KCNIP4: variants seen among roughly 807,000 people sequenced by gnomAD.
KCNIP4 encodes potassium voltage-gated channel interacting protein 4.
KCNIP4 carries 12 observed loss-of-function variants against 34.0 expected under a neutral mutation model. The ratio of observed to expected loss-of-function variants is 0.35; its 90% CI spans 0.23 to 0.57. The LOEUF (loss-of-function observed/expected upper bound fraction) is 0.57, where lower values mean the gene tolerates loss of function less well. Among genes scored for constraint, KCNIP4 ranks in the 20% least tolerant of loss-of-function variants. KCNIP4 has a pLI of 0.83. For synonymous variants in KCNIP4, 124 were observed against 102.2 expected (o/e 1.21, Z -1.29); for missense variants, 238 against 311.7 (o/e 0.76, Z 1.78).
intron 1 of KCNIP4, among the ~76,000 whole-genome samples, chr4:21,241,325 A>G (rs190261793): frequency 6.6e-6 from 1 of 152,130 alleles, no homozygotes; most frequent in African/African-American, 2.4e-5. Context: ...TTTTTTTTCT[A>G]AAGTTTATAT....
At chr4:21,314,037 TCA>T (rs1373697170) in intron 1 of KCNIP4, among the ~76,000 whole-genome samples, 1 of 152,180 alleles carries the variant, frequency 6.6e-6, no homozygotes, top group Admixed American at 6.5e-5. Flanking sequence ...TGTCCTAAGA[TCA>T]CAGTTTGTTG....
At chr4:21,106,666 T>C (rs1455765017) in intron 1 of KCNIP4, among the ~76,000 whole-genome samples, 1 of 151,630 alleles carries the variant, frequency 6.6e-6, no homozygotes, top group Non-Finnish European at 1.5e-5. Context: ...CTCTTGCTTT[T>C]CTAGTTCTTT....
intron 3 of KCNIP4, among the ~76,000 whole-genome samples, chr4:20,837,686 A>ATTT (rs1318687393): frequency 1.3e-3 from 151 of 117,380 alleles, no homozygotes; most frequent in East Asian, 5.1e-3. Flanking sequence ...ATATATATAT[A>ATTT]TTTTTTTTTC....
chr4:21,370,874 CACACACACGTGT>C (rs1466912921), intron 1 of KCNIP4, among the ~76,000 whole-genome samples: 1,021 of 72,826 alleles, frequency 0.014, 195 homozygotes, highest in African/African-American at 0.059. Context: ...CACACACACA[CACACACACGTGT>C]GTGTGTGTGT....
chr4:21,224,164 G>T (rs570786672), intron 1 of KCNIP4, among the ~76,000 whole-genome samples: 2 of 152,160 alleles, frequency 1.3e-5, no homozygotes, highest in East Asian at 3.9e-4. Context: ...CCATCAGTTT[G>T]GGTTGCCGTA....
At chr4:20,937,724 A>G (rs555818365) in intron 1 of KCNIP4, among the ~76,000 whole-genome samples, 16 of 152,220 alleles carry the variant, frequency 1.1e-4, no homozygotes, top group Admixed American at 6.5e-5. Context: ...AACTTTAAGT[A>G]AAAATTAGAG....
At chr4:21,494,277 T>A (rs530943740) in intron 1 of KCNIP4, among the ~76,000 whole-genome samples, 39 of 152,206 alleles carry the variant, frequency 2.6e-4, no homozygotes, top group Non-Finnish European at 4.7e-4. Context: ...CCAAGATAAT[T>A]AACTCAAAAC....
chr4:20,774,872 A>T (rs954845920), intron 3 of KCNIP4, among the ~76,000 whole-genome samples: 9 of 152,162 alleles, frequency 5.9e-5, no homozygotes, highest in African/African-American at 2.2e-4. Flanking sequence ...TTACATTAAG[A>T]ATCAAGGTCT....
At chr4:20,873,141 T>A (rs7679625) in intron 2 of KCNIP4, among the ~76,000 whole-genome samples, 25,573 of 152,208 alleles carry the variant, frequency 0.17, 2,338 homozygotes, top group Middle Eastern at 0.2. Context: ...TGCCATGTTT[T>A]GACTTTTGTC....
At chr4:21,685,796 C>T (rs1203302666) in intron 1 of KCNIP4, among the ~76,000 whole-genome samples, 1 of 152,160 alleles carries the variant, frequency 6.6e-6, no homozygotes, top group African/African-American at 2.4e-5. Context: ...GGACTTGTAC[C>T]ACTTTGAGTG....
At chr4:21,609,318 C>G (rs1382251257) in intron 1 of KCNIP4, among the ~76,000 whole-genome samples, 1 of 152,032 alleles carries the variant, frequency 6.6e-6, no homozygotes, top group African/African-American at 2.4e-5. Flanking sequence ...TGGTCAACCA[C>G]AATATAGGAA....
chr4:21,375,963 A>G (rs1038542506), intron 1 of KCNIP4, among the ~76,000 whole-genome samples: 1 of 152,162 alleles, frequency 6.6e-6, no homozygotes, highest in Non-Finnish European at 1.5e-5. Context: ...CCTAAGAGAT[A>G]AGGAATTTCA....
intron 3 of KCNIP4, among the ~76,000 whole-genome samples, chr4:20,796,812 A>G (rs1302574730): frequency 6.6e-6 from 1 of 152,216 alleles, no homozygotes; most frequent in African/African-American, 2.4e-5. Flanking sequence ...AACAGATTCC[A>G]TCATAGGTTT....
chr4:20,836,008 T>C (rs1718993685), intron 3 of KCNIP4, among the ~76,000 whole-genome samples: 1 of 152,258 alleles, frequency 6.6e-6, no homozygotes, highest in African/African-American at 2.4e-5. Context: ...GCTAGTTTAC[T>C]GCAATATCTT....
intron 1 of KCNIP4, among the ~76,000 whole-genome samples, chr4:21,606,596 T>C (rs1370486091): frequency 6.6e-6 from 1 of 152,020 alleles, no homozygotes; most frequent in African/African-American, 2.4e-5. Context: ...TTGTTTGTTG[T>C]TTGTTGTTTG....
intron 1 of KCNIP4, among the ~76,000 whole-genome samples, chr4:21,086,889 C>T (rs1047221987): frequency 6.6e-6 from 1 of 150,798 alleles, no homozygotes; most frequent in African/African-American, 2.4e-5. Flanking sequence ...TCCCTCCGTC[C>T]CTCCCTTCTT....
At chr4:20,790,069 G>A (rs1449328609) in intron 3 of KCNIP4, among the ~76,000 whole-genome samples, 1 of 152,078 alleles carries the variant, frequency 6.6e-6, no homozygotes. Flanking sequence ...GTACACCCTA[G>A]TACACATCTA....
intron 1 of KCNIP4, among the ~76,000 whole-genome samples, chr4:21,888,334 A>T (rs1348238336): frequency 6.6e-6 from 1 of 152,166 alleles, no homozygotes; most frequent in Admixed American, 6.6e-5. Flanking sequence ...GTGGAACATT[A>T]TGCAAAGTGT....
chr4:21,924,861 C>T (rs1218503705), intron 1 of KCNIP4, among the ~76,000 whole-genome samples: 1 of 152,064 alleles, frequency 6.6e-6, no homozygotes, highest in African/African-American at 2.4e-5. Context: ...TCCCTGGCCC[C>T]CAATTGTTTA....
Sources: gnomAD v4.1 joint callset for allele counts (sites outside exome capture counted in the v4.1 genomes callset) on GRCh38, gnomAD v4.1.1 for gene constraint, MANE v1.5 for transcripts, NCBI Gene and HGNC (gene_info 2026-07-23, HGNC 2026-07-21) for gene names.